The following ERBB4 variants were observed in gnomAD, a reference collection of about 807,000 sequenced individuals.
ERBB4 encodes receptor tyrosine-protein kinase erbB-4.
ERBB4 carries 42 observed loss-of-function variants against 158.0 expected under a neutral mutation model. That is an observed-to-expected ratio of 0.27 (90% confidence interval 0.21 to 0.34). The LOEUF (loss-of-function observed/expected upper bound fraction) is 0.34. Ranked by LOEUF, ERBB4 falls within the 10% of genes least tolerant of loss-of-function variation. The probability of loss-of-function intolerance (pLI) is 1.00; values close to 1 mark genes in which losing one functional copy is unlikely to be tolerated. For synonymous variants in ERBB4, 583 were observed against 558.7 expected, an observed-to-expected ratio of 1.04 and a Z score of -0.61; for missense variants, 1,333 against 1,624.1, an observed-to-expected ratio of 0.82 and a Z score of 3.08.
At chr2:211,498,070 C>A (rs1380594685) in intron 20 of ERBB4, among the ~76,000 whole-genome samples, 1 of 152,096 alleles carries the variant, frequency 6.6e-6, no homozygotes, top group Non-Finnish European at 1.5e-5. Flanking sequence ...AAGATGCCAG[C>A]ACTCCATGTG....
At chr2:212,153,445 T>G (rs2080934524) in intron 1 of ERBB4, among the ~76,000 whole-genome samples, 1 of 152,094 alleles carries the variant, frequency 6.6e-6, no homozygotes, top group African/African-American at 2.4e-5. Context: ...AACTCCATAT[T>G]CTCTGAAACA....
chr2:212,055,072 G>A (rs181422312), intron 2 of ERBB4, among the ~76,000 whole-genome samples: 3 of 152,226 alleles, frequency 2.0e-5, no homozygotes, highest in East Asian at 1.9e-4. Context: ...AGTGACGGAT[G>A]GCACCTGGAA....
At chr2:211,781,029 G>A (rs940748673) in intron 4 of ERBB4, among the ~76,000 whole-genome samples, 2 of 152,074 alleles carry the variant, frequency 1.3e-5, no homozygotes, top group African/African-American at 2.4e-5. Context: ...AAAATACATC[G>A]AGGGTAAATT....
intron 2 of ERBB4, among the ~76,000 whole-genome samples, chr2:211,973,857 TAA>T (rs200034367): frequency 2.0e-5 from 3 of 151,568 alleles, no homozygotes; most frequent in African/African-American, 7.3e-5. Flanking sequence ...ATAGACTGGA[TAA>T]AAAAAATGTG....
chr2:211,838,043 A>C (rs1342137500), intron 3 of ERBB4, among the ~76,000 whole-genome samples: 2 of 152,072 alleles, frequency 1.3e-5, no homozygotes, highest in Non-Finnish European at 2.9e-5. Context: ...TGAATTACAC[A>C]GTGCTATTTC....
intron 20 of ERBB4, among the ~76,000 whole-genome samples, chr2:211,481,428 A>G (rs2065080192): frequency 6.6e-6 from 1 of 152,132 alleles, no homozygotes; most frequent in Non-Finnish European, 1.5e-5. Flanking sequence ...TAAAGTTAAC[A>G]CAGCACTAGT....
chr2:212,218,799 TGA>T (rs1458497369), intron 1 of ERBB4, among the ~76,000 whole-genome samples: 1 of 151,444 alleles, frequency 6.6e-6, no homozygotes, highest in Non-Finnish European at 1.5e-5. Flanking sequence ...ATCAGAAAGA[TGA>T]GTTTCATGTA....
chr2:212,382,675 C>T (rs10195551), intron 1 of ERBB4, among the ~76,000 whole-genome samples: 1 of 150,944 alleles, frequency 6.6e-6, no homozygotes, highest in African/African-American at 2.4e-5. Context: ...AAAGTGTTTT[C>T]TAGATTACAA....
intron 15 of ERBB4, among the ~76,000 whole-genome samples, chr2:211,659,778 A>G (rs1182764082): frequency 6.6e-6 from 1 of 152,180 alleles, no homozygotes; most frequent in South Asian, 2.1e-4. Flanking sequence ...TGAATTAGAC[A>G]TTTTTCTGTT....
intron 16 of ERBB4, among the ~76,000 whole-genome samples, chr2:211,633,583 A>G (rs2070232082): frequency 7.0e-6 from 1 of 142,874 alleles, no homozygotes; most frequent in Non-Finnish European, 1.5e-5. Flanking sequence ...AATGTCTTTT[A>G]AAGATAATGT....
At chr2:212,073,233 A>C (rs1464113125) in intron 2 of ERBB4, among the ~76,000 whole-genome samples, 2 of 152,018 alleles carry the variant, frequency 1.3e-5, no homozygotes, top group African/African-American at 4.8e-5. Flanking sequence ...AAAGATACTC[A>C]TCTTTATCTT....
chr2:212,065,264 T>A (rs1358912403), intron 2 of ERBB4, among the ~76,000 whole-genome samples: 2 of 152,068 alleles, frequency 1.3e-5, no homozygotes, highest in Admixed American at 6.6e-5. Flanking sequence ...TAGAAAATTA[T>A]GTAAATTTGG....
chr2:211,412,925 G>A (rs1049099903), intron 25 of ERBB4, among the ~76,000 whole-genome samples: 2 of 144,662 alleles, frequency 1.4e-5, no homozygotes, highest in South Asian at 2.2e-4. Context: ...CTGCACTCCA[G>A]CCTGGCAACA....
At chr2:212,322,523 G>C (rs186678531) in intron 1 of ERBB4, among the ~76,000 whole-genome samples, 1 of 150,544 alleles carries the variant, frequency 6.6e-6, no homozygotes, top group African/African-American at 2.4e-5. Context: ...ATTTGAATGC[G>C]TATACATTTT....
intron 12 of ERBB4, among the ~76,000 whole-genome samples, chr2:211,684,995 T>C (rs2072504908): frequency 6.6e-6 from 1 of 152,236 alleles, no homozygotes; most frequent in South Asian, 2.1e-4. Context: ...AGAATATTTG[T>C]ATATTACTGT....
intron 1 of ERBB4, among the ~76,000 whole-genome samples, chr2:212,493,738 A>G (rs16848707): frequency 0.13 from 19,581 of 151,692 alleles, 1,330 homozygotes; most frequent in Non-Finnish European, 0.15. Flanking sequence ...TAAAACTTTT[A>G]TGTAACTTTG....
At chr2:211,969,988 A>T (rs1281920151) in intron 2 of ERBB4, among the ~76,000 whole-genome samples, 1 of 151,912 alleles carries the variant, frequency 6.6e-6, no homozygotes, top group Non-Finnish European at 1.5e-5. Flanking sequence ...TTATGTTGTT[A>T]TAATAACTTC....
intron 1 of ERBB4, among the ~76,000 whole-genome samples, chr2:212,171,527 G>T (rs1460322938): frequency 1.3e-5 from 2 of 152,050 alleles, no homozygotes; most frequent in Non-Finnish European, 2.9e-5. Context: ...GTTTGGCTCT[G>T]GGCCCCAACA....
intron 10 of ERBB4, 37 bp from the exon 11 acceptor site, chr2:211,704,231 C>A (rs2106046668): frequency 1.5e-6 from 2 of 1,309,912 alleles, no homozygotes; most frequent in Non-Finnish European, 2.2e-6. Context: ...ATCAGAATAT[C>A]ATTGTCTTAG....
Sources: allele counts gnomAD v4.1 joint callset (sites outside exome capture counted in the v4.1 genomes callset), GRCh38; gene constraint gnomAD v4.1.1; transcripts MANE v1.5; gene names NCBI Gene and HGNC (gene_info 2026-07-23, HGNC 2026-07-21).